Variants in CFAP58 observed in about 807,000 individuals in gnomAD.
CFAP58 encodes cilia and flagella associated protein 58.
CFAP58 carries 88 observed loss-of-function variants against 119.5 expected under a neutral mutation model. The observed-to-expected ratio is 0.74, with a 90% CI of 0.62 to 0.88. CFAP58 has a LOEUF of 0.88. CFAP58 is among the 40% of genes least tolerant of loss of function. CFAP58 has a pLI of 0.00. For synonymous variants in CFAP58, 365 were observed against 366.3 expected (o/e 1.00, Z 0.04); for missense variants, 990 against 1,021.2 (o/e 0.97, Z 0.42).
intron 15 of CFAP58, among the ~76,000 whole-genome samples, chr10:104,442,546 C>T (rs2013055142): frequency 6.6e-6 from 1 of 150,866 alleles, no homozygotes; most frequent in Admixed American, 6.6e-5. Flanking sequence ...CGAGATGGTG[C>T]CATTGCACTC....
chr10:104,373,751 G>T (rs1351123964), intron 7 of CFAP58, among the ~76,000 whole-genome samples: 1 of 151,984 alleles, frequency 6.6e-6, no homozygotes, highest in Non-Finnish European at 1.5e-5. Flanking sequence ...GAATAGAAAT[G>T]AAATAGAATA....
intron 4 of CFAP58, 43 bp from the exon 5 acceptor site, chr10:104,365,771 C>G (rs566305610): frequency 1.3e-6 from 2 of 1,546,144 alleles, no homozygotes; most frequent in African/African-American, 2.8e-5. Context: ...CTGCCATGGT[C>G]AGGGCTCATC....
chr10:104,408,062 G>A (rs1409590942), intron 15 of CFAP58, among the ~76,000 whole-genome samples: 1 of 152,132 alleles, frequency 6.6e-6, no homozygotes, highest in East Asian at 1.9e-4. Context: ...ATATGAGTAA[G>A]GGACATTTGC....
In CFAP58 at chr10:104,400,660, G is replaced by A. The variant is rs144094551; in HGVS notation, c.1816-20G>A. The A allele has an allele frequency of 1.7e-4, 268 of 1,601,166 alleles. No individual in the cohort carries two copies. The African/African-American group carries it at 3.2e-3, about 19-fold the overall frequency. ...AGGCTCCTCCTTCCCTGGTGACTATGCCCCTCCCTACCTTCCTAGGTCATC... is the reference window on the plus strand; with the variant it reads ...AGGCTCCTCCTTCCCTGGTGACTATACCCCTCCCTACCTTCCTAGGTCATC... On this transcript the variant is annotated intron_variant, in intron 12 of 17. Transcript: ENST00000369704.
In CFAP58 at chr10:104,421,270, C is replaced by T. The variant is rs577607132; in HGVS notation, c.2256+14477C>T. ...AATGAATTTCTGTCCAACTTTCCAC[C>T]TGTTTTACTAGCCCCCTTCTAAGAC... is the stretch of plus-strand genomic sequence containing the variant. On this transcript the variant is annotated intron_variant, in intron 15 of 17. Coordinates refer to ENST00000369704, the MANE Select transcript of CFAP58 (RefSeq NM_001008723.2). Among the ~76,000 whole-genome samples, 6 of 152,296 alleles carry T rather than the reference C, an allele frequency of 3.9e-5. No individual in the cohort carries two copies. The South Asian group carries it at 1.2e-3, about 32-fold the overall frequency.
At chr10:104,416,205 G>A (rs929046913) in intron 15 of CFAP58, among the ~76,000 whole-genome samples, 1 of 152,142 alleles carries the variant, frequency 6.6e-6, no homozygotes, top group Non-Finnish European at 1.5e-5. Context: ...AATTACGTTC[G>A]GGGGGTTTTG....
intron 2 of CFAP58, among the ~76,000 whole-genome samples, chr10:104,361,044 C>G (rs2014659686): frequency 6.6e-6 from 1 of 152,172 alleles, no homozygotes; most frequent in Non-Finnish European, 1.5e-5. Context: ...GAAATCCACC[C>G]CCATGATTCA....
At chr10:104,396,288 C>A (rs559582374) in intron 11 of CFAP58, among the ~76,000 whole-genome samples, 14 of 152,080 alleles carry the variant, frequency 9.2e-5, no homozygotes, top group African/African-American at 3.4e-4. Flanking sequence ...CTCAGCACCA[C>A]ATTAGAGCCT....
At chr10:104,339,975 GGAATGCCAAGGTTAGTGCTT>G in the CFAP58 span, among the ~76,000 whole-genome samples, 10 of 152,216 alleles carry the variant, frequency 6.6e-5, no homozygotes, top group African/African-American at 2.2e-4. Flanking sequence ...GCGTTGTGCT[GGAATGCCAAGGTTAGTGCTT>G]GAATGCCCTC....
intron 15 of CFAP58, among the ~76,000 whole-genome samples, chr10:104,431,269 A>G (rs1198872947): frequency 6.6e-6 from 1 of 152,236 alleles, no homozygotes; most frequent in East Asian, 1.9e-4. Context: ...CTTATATGTG[A>G]CAAAGGCAAT....
At chr10:104,378,857 T>C (rs554561036) in intron 8 of CFAP58, among the ~76,000 whole-genome samples, 15 of 151,820 alleles carry the variant, frequency 9.9e-5, no homozygotes, top group African/African-American at 3.4e-4. Flanking sequence ...TCAGGGGAAC[T>C]TGGGCAGCCA....
chr10:104,398,516 T>C (rs2012203839), intron 11 of CFAP58, among the ~76,000 whole-genome samples: 1 of 152,210 alleles, frequency 6.6e-6, no homozygotes, highest in South Asian at 2.1e-4. Flanking sequence ...ACATGCACTT[T>C]GATGAGACAA....
chr10:104,397,155 A>T (rs758378140), intron 11 of CFAP58, among the ~76,000 whole-genome samples: 20 of 152,218 alleles, frequency 1.3e-4, no homozygotes, highest in Non-Finnish European at 2.1e-4. Flanking sequence ...CATCTGGGAA[A>T]ATAAAAGTTT....
chr10:104,391,223 G>A (rs750512504), intron 9 of CFAP58, among the ~76,000 whole-genome samples: 1 of 152,200 alleles, frequency 6.6e-6, no homozygotes, highest in African/African-American at 2.4e-5. Flanking sequence ...TCCACCTTTC[G>A]TTCTAGGTAA....
At chr10:104,417,635 G>A (rs1221280272) in intron 15 of CFAP58, among the ~76,000 whole-genome samples, 1 of 152,210 alleles carries the variant, frequency 6.6e-6, no homozygotes, top group African/African-American at 2.4e-5. Flanking sequence ...AGATTTGGTG[G>A]AAGCTACAGA....
intron 15 of CFAP58, among the ~76,000 whole-genome samples, chr10:104,424,329 G>T (rs1004655044): frequency 6.6e-6 from 1 of 152,102 alleles, no homozygotes; most frequent in Non-Finnish European, 1.5e-5. Flanking sequence ...TGACAGTTTG[G>T]AACACTTTCC....
intron 17 of CFAP58, among the ~76,000 whole-genome samples, chr10:104,452,009 G>A (rs1282442393): frequency 6.6e-6 from 1 of 152,202 alleles, no homozygotes; most frequent in Admixed American, 6.5e-5. Flanking sequence ...AAAGTGCTGG[G>A]ATTACAGGCA....
At position 104,454,488 on chromosome 10, in the gene CFAP58, T is replaced by C. The variant is rs1564909752; in HGVS notation, c.2577T>C (p.Thr859=). ...LMVKPNGPGF[T]GGGFPLRSTK... is the part of the protein sequence containing the mutation. Reference sequence around the variant, plus strand: ...TCAAACCAAATGGTCCTGGTTTTACTGGGGGCGGATTTCCTCTCAGGTCAA... The same window carrying C: ...TCAAACCAAATGGTCCTGGTTTTACCGGGGGCGGATTTCCTCTCAGGTCAA... Residue 859 remains threonine, a synonymous_variant, in exon 18 of 18, where the codon ACT becomes ACC. Transcript: ENST00000369704. 3 of 1,613,922 alleles carry C rather than the reference T, an allele frequency of 1.9e-6. No homozygotes were observed. Among genetic ancestry groups the C allele is most frequent in the East Asian group, 4.5e-5 (2 of 44,872 alleles).
intron 9 of CFAP58, among the ~76,000 whole-genome samples, chr10:104,388,340 A>T (rs752494259): frequency 9.9e-5 from 15 of 152,220 alleles, no homozygotes; most frequent in Non-Finnish European, 2.2e-4. Context: ...AAGTACTTAT[A>T]TGCTGGCGTA....
Sources: allele counts gnomAD v4.1 joint callset (sites outside exome capture counted in the v4.1 genomes callset), GRCh38; gene constraint gnomAD v4.1.1; transcripts MANE v1.5; gene names NCBI Gene and HGNC (gene_info 2026-07-23, HGNC 2026-07-21).